Variants in B3GALT1 observed in about 807,000 individuals in gnomAD.
The protein encoded by B3GALT1 is UDP-Gal:betaGlcNAc beta 1,3-galactosyltransferase, polypeptide 1.
B3GALT1 carries 10 observed loss-of-function variants against 23.2 expected under a neutral mutation model. The ratio of observed to expected loss-of-function variants is 0.43; its 90% CI spans 0.27 to 0.73. The LOEUF is 0.73. Among genes scored for constraint, B3GALT1 ranks in the 30% least tolerant of loss-of-function variants. B3GALT1 has a pLI of 0.21. For synonymous variants in B3GALT1, 156 were observed against 141.5 expected (o/e 1.10, Z -0.73); for missense variants, 299 against 405.4 (o/e 0.74, Z 2.25).
At chr2:167,514,052 G>T (rs925235225) in intron 2 of B3GALT1, among the ~76,000 whole-genome samples, 1 of 151,848 alleles carries the variant, frequency 6.6e-6, no homozygotes, top group Admixed American at 6.6e-5. Flanking sequence ...AATTACAGGC[G>T]CCCACCACCA....
At chr2:167,514,918 G>A (rs1226038615) in intron 2 of B3GALT1, among the ~76,000 whole-genome samples, 2 of 151,810 alleles carry the variant, frequency 1.3e-5, no homozygotes, top group Admixed American at 6.6e-5. Context: ...ATGTAAAATA[G>A]GTAATAGGAA....
At chr2:167,808,931 T>C (rs776623021) in intron 3 of B3GALT1, among the ~76,000 whole-genome samples, 49 of 152,350 alleles carry the variant, frequency 3.2e-4, no homozygotes, top group Admixed American at 5.9e-4. Context: ...CAATCAGACG[T>C]AGATTTGGTC....
chr2:167,850,187 C>T (rs926282287), intron 4 of B3GALT1, among the ~76,000 whole-genome samples: 2 of 152,134 alleles, frequency 1.3e-5, no homozygotes, highest in Non-Finnish European at 2.9e-5. Context: ...CAAACTCAAA[C>T]AAATCAGTAA....
chr2:167,472,614 A>G (rs1312100154), intron 1 of B3GALT1, among the ~76,000 whole-genome samples: 1 of 152,116 alleles, frequency 6.6e-6, no homozygotes, highest in Non-Finnish European at 1.5e-5. Flanking sequence ...CATCTCGTCT[A>G]CCAAATTGTC....
At chr2:167,774,497 G>GTTTTTTTTTTT (rs397986581) in intron 3 of B3GALT1, among the ~76,000 whole-genome samples, 7 of 82,974 alleles carry the variant, frequency 8.4e-5, no homozygotes, top group Admixed American at 1.7e-4. Context: ...TTTTTTTTTT[G>GTTTTTTTTTTT]TTTTTTTTTT....
intron 3 of B3GALT1, among the ~76,000 whole-genome samples, chr2:167,796,740 C>T (rs552369134): frequency 6.6e-6 from 1 of 151,964 alleles, no homozygotes; most frequent in African/African-American, 2.4e-5. Flanking sequence ...GACAGAGTGA[C>T]ACACTGCCTC....
chr2:167,655,999 A>C (rs919180676), intron 3 of B3GALT1, among the ~76,000 whole-genome samples: 3 of 152,162 alleles, frequency 2.0e-5, no homozygotes, highest in African/African-American at 7.2e-5. Flanking sequence ...ACGTTGTGTC[A>C]GCCCCTCTGG....
At chr2:167,625,235 T>C (rs1470260362) in intron 2 of B3GALT1, among the ~76,000 whole-genome samples, 3 of 151,902 alleles carry the variant, frequency 2.0e-5, no homozygotes, top group Non-Finnish European at 2.9e-5. Flanking sequence ...TAAAAAAATA[T>C]AGACCAGTCT....
At chr2:167,394,780 A>G (rs1413757143) in intron 1 of B3GALT1, among the ~76,000 whole-genome samples, 1 of 152,182 alleles carries the variant, frequency 6.6e-6, no homozygotes, top group Non-Finnish European at 1.5e-5. Context: ...AACACAGAAT[A>G]TTATTCTCAG....
intron 3 of B3GALT1, among the ~76,000 whole-genome samples, chr2:167,708,309 C>T (rs1435119559): frequency 2.0e-5 from 3 of 152,220 alleles, no homozygotes; most frequent in Non-Finnish European, 4.4e-5. Flanking sequence ...GTTCTGCTAA[C>T]TCTGCTCAGC....
intron 3 of B3GALT1, among the ~76,000 whole-genome samples, chr2:167,662,030 T>C (rs982731135): frequency 1.8e-4 from 28 of 151,952 alleles, no homozygotes; most frequent in Middle Eastern, 3.4e-3. Flanking sequence ...CTACTTTCTT[T>C]ATTTTTGACT....
intron 3 of B3GALT1, among the ~76,000 whole-genome samples, chr2:167,754,044 G>GTTACCGTATTGGCAATGTAAATATTCCC (rs1687778636): frequency 6.6e-6 from 1 of 152,152 alleles, no homozygotes; most frequent in African/African-American, 2.4e-5. Context: ...ATAATAAATG[G>GTTACCGTATTGGCAATGTAAATATTCCC]TTACCGTATT....
intron 3 of B3GALT1, among the ~76,000 whole-genome samples, chr2:167,813,153 G>T (rs1471541740): frequency 3.3e-5 from 5 of 152,052 alleles, no homozygotes; most frequent in African/African-American, 9.7e-5. Flanking sequence ...CAGTTTTTTT[G>T]AATGAAGCAA....
chr2:167,629,469 C>T (rs1479114623), intron 2 of B3GALT1, among the ~76,000 whole-genome samples: 2 of 151,648 alleles, frequency 1.3e-5, no homozygotes, highest in Non-Finnish European at 3.0e-5. Context: ...AATAAATATA[C>T]ACTCCATTCT....
chr2:167,832,789 A>G (rs1434024034), intron 4 of B3GALT1, among the ~76,000 whole-genome samples: 2 of 152,236 alleles, frequency 1.3e-5, no homozygotes, highest in African/African-American at 4.8e-5. Context: ...CAAAAGTTCT[A>G]TACAGGGGCA....
chr2:167,802,998 G>C (rs1688666951), intron 3 of B3GALT1, among the ~76,000 whole-genome samples: 1 of 151,730 alleles, frequency 6.6e-6, no homozygotes, highest in Admixed American at 6.6e-5. Context: ...TGCAAAAAAT[G>C]ATTGATGTGC....
At chr2:167,699,378 C>CTTTTTTTTTTTTTTTTTTTTT (rs1285786645) in intron 3 of B3GALT1, among the ~76,000 whole-genome samples, 1 of 78,684 alleles carries the variant, frequency 1.3e-5, no homozygotes. Flanking sequence ...GCCATTATTT[C>CTTTTTTTTTTTTTTTTTTTTT]TATTTTTTTT....
chr2:167,676,655 G>C (rs906920642), intron 3 of B3GALT1, among the ~76,000 whole-genome samples: 3 of 151,984 alleles, frequency 2.0e-5, no homozygotes, highest in Non-Finnish European at 4.4e-5. Context: ...TCTGCCTCCT[G>C]GATTCAAATG....
chr2:167,344,816 A>T (rs1280810482), intron 1 of B3GALT1, among the ~76,000 whole-genome samples: 1 of 152,184 alleles, frequency 6.6e-6, no homozygotes, highest in African/African-American at 2.4e-5. Context: ...ATTCAAGACC[A>T]CATTACTAGT....
Sources: gnomAD v4.1 joint callset for allele counts (sites outside exome capture counted in the v4.1 genomes callset) on GRCh38, gnomAD v4.1.1 for gene constraint, MANE v1.5 for transcripts, NCBI Gene and HGNC (gene_info 2026-07-23, HGNC 2026-07-21) for gene names.